Variants in PTPRD observed in about 807,000 individuals in gnomAD.
The protein encoded by PTPRD is receptor-type tyrosine-protein phosphatase delta.
PTPRD carries 34 observed loss-of-function variants against 214.5 expected under a neutral mutation model. That is an observed-to-expected ratio of 0.16 (90% CI 0.12 to 0.21). The LOEUF is 0.21. Ranked by LOEUF, PTPRD falls within the 10% of genes least tolerant of loss-of-function variation. The pLI, the probability that PTPRD is intolerant of heterozygous loss-of-function variation, is 1.00. For missense variants in PTPRD, 2,545 were observed against 2,398.7 expected (o/e 1.06, Z -1.27); for synonymous variants, 1,128 against 845.7 (o/e 1.33, Z -5.79).
chr9:10,457,302 C>T (rs1181392695), intron 2 of PTPRD, among the ~76,000 whole-genome samples: 1 of 151,832 alleles, frequency 6.6e-6, no homozygotes, highest in Non-Finnish European at 1.5e-5. Context: ...TTCCTTTTGC[C>T]TCTTTTCAGT....
At chr9:8,499,588 A>G in intron 25 of PTPRD, 59 bp downstream of exon 25, 1 of 1,528,776 alleles carries the variant, frequency 6.5e-7, no homozygotes, top group East Asian at 2.3e-5. Flanking sequence ...CAATTTCAGG[A>G]TATGAACTAA....
chr9:8,398,021 C>A (rs1392524), intron 36 of PTPRD, among the ~76,000 whole-genome samples: 13,094 of 152,094 alleles, frequency 0.086, 1,424 homozygotes, highest in East Asian at 0.49. Context: ...CCAGTGTTTT[C>A]TTTTGCATTA....
At chr9:10,246,451 C>T (rs568061833) in intron 3 of PTPRD, among the ~76,000 whole-genome samples, 2 of 152,264 alleles carry the variant, frequency 1.3e-5, no homozygotes, top group African/African-American at 4.8e-5. Flanking sequence ...ACCATGTTGG[C>T]CAGTCTGCTC....
chr9:8,755,277 C>T (rs1450651373), intron 11 of PTPRD, among the ~76,000 whole-genome samples: 2 of 150,630 alleles, frequency 1.3e-5, no homozygotes, highest in East Asian at 1.9e-4. Flanking sequence ...CGCCTGTAAT[C>T]CCAGCACTTT....
intron 14 of PTPRD, among the ~76,000 whole-genome samples, chr9:8,535,276 T>C (rs899288959): frequency 6.6e-6 from 1 of 151,876 alleles, no homozygotes; most frequent in Non-Finnish European, 1.5e-5. Context: ...AGTGCAGCAA[T>C]AAACTGCAAA....
chr9:10,345,564 C>T (rs1297776331), intron 2 of PTPRD, among the ~76,000 whole-genome samples: 1 of 152,124 alleles, frequency 6.6e-6, no homozygotes, highest in Non-Finnish European at 1.5e-5. Context: ...TGGTTTCTAG[C>T]TTCATCCATG....
chr9:10,587,978 A>G (rs1373002879), intron 2 of PTPRD, among the ~76,000 whole-genome samples: 1 of 152,104 alleles, frequency 6.6e-6, no homozygotes, highest in Non-Finnish European at 1.5e-5. Context: ...TACAGCTCAT[A>G]TATCAGGGTT....
chr9:10,308,854 G>A (rs559506048), intron 3 of PTPRD, among the ~76,000 whole-genome samples: 11 of 152,008 alleles, frequency 7.2e-5, no homozygotes, highest in South Asian at 2.1e-4. Context: ...TGTGTTAACC[G>A]GTTTTGTCTG....
intron 35 of PTPRD, among the ~76,000 whole-genome samples, chr9:8,432,345 C>T (rs1478596030): frequency 6.6e-6 from 1 of 152,214 alleles, no homozygotes; most frequent in Non-Finnish European, 1.5e-5. Context: ...ATTCTTCCAG[C>T]TTTCACTAAA....
chr9:9,390,685 T>G (rs368259857), intron 9 of PTPRD, among the ~76,000 whole-genome samples: 1 of 152,218 alleles, frequency 6.6e-6, no homozygotes, highest in Non-Finnish European at 1.5e-5. Context: ...ATGCTTTACA[T>G]GATCAACTGA....
intron 8 of PTPRD, among the ~76,000 whole-genome samples, chr9:9,422,979 T>C (rs965170026): frequency 2.0e-5 from 3 of 152,066 alleles, no homozygotes; most frequent in South Asian, 2.1e-4. Context: ...AGGCCCTTAG[T>C]TGGGTCCCTC....
At chr9:9,921,079 A>G (rs1042811295) in intron 5 of PTPRD, among the ~76,000 whole-genome samples, 4 of 151,928 alleles carry the variant, frequency 2.6e-5, no homozygotes, top group Non-Finnish European at 5.9e-5. Context: ...TCAATTTCTC[A>G]GTTTATTTTT....
At chr9:8,745,660 A>C (rs2092711808) in intron 11 of PTPRD, among the ~76,000 whole-genome samples, 1 of 152,240 alleles carries the variant, frequency 6.6e-6, no homozygotes, top group Non-Finnish European at 1.5e-5. Context: ...AAAAATGATT[A>C]ACCAGTAATA....
chr9:10,252,153 AAGAG>A (rs964827804), intron 3 of PTPRD, among the ~76,000 whole-genome samples: 5 of 149,876 alleles, frequency 3.3e-5, no homozygotes, highest in African/African-American at 5.0e-5. Flanking sequence ...TAAACTAAAA[AAGAG>A]AGAGAGAGAG....
intron 9 of PTPRD, among the ~76,000 whole-genome samples, chr9:9,276,579 C>A (rs995308945): frequency 6.6e-6 from 1 of 151,284 alleles, no homozygotes; most frequent in Non-Finnish European, 1.5e-5. Flanking sequence ...ATATTCTGCT[C>A]CTGTGACCTC....
chr9:10,355,441 A>G (rs1378555603), intron 2 of PTPRD, among the ~76,000 whole-genome samples: 1 of 151,772 alleles, frequency 6.6e-6, no homozygotes. Flanking sequence ...CTTCTGTTCT[A>G]TAGACGACAC....
rs141373880 is a variant in PTPRD at position 9,469,516 on chromosome 9, T to C, written c.-236-72034A>G. Among the ~76,000 whole-genome samples the C allele has an allele frequency of 6.8e-4, 104 of 152,268 alleles. 5 individuals are homozygous for C. In the East Asian group the frequency reaches 0.019, roughly 28 times the overall value. On this transcript the variant is annotated intron_variant, in intron 8 of 45. Coordinates refer to ENST00000381196, the MANE Select transcript of PTPRD (RefSeq NM_002839.4). Reference sequence around the variant, plus strand: ...AGGCTTTCTACTTAGAGTTGGTTTATAGTAACAATACTTCCTATTTCAAAT... The same window carrying C: ...AGGCTTTCTACTTAGAGTTGGTTTACAGTAACAATACTTCCTATTTCAAAT...
chr9:10,227,677 C>T (rs1050214026), intron 3 of PTPRD, among the ~76,000 whole-genome samples: 4 of 151,882 alleles, frequency 2.6e-5, no homozygotes, highest in African/African-American at 7.3e-5. Flanking sequence ...TGATTCTCAG[C>T]GACTTCAGGA....
chr9:9,022,362 T>A lies in PTPRD; in HGVS notation c.-142-3627A>T, dbSNP rs188454495. Among the ~76,000 whole-genome samples, 203 of 152,230 alleles carry A rather than the reference T, an allele frequency of 1.3e-3. 2 individuals are homozygous for A. The highest frequency in any genetic ancestry group is 4.6e-3 in the African/African-American group (191 of 41,546). On this transcript the variant is annotated intron_variant, in intron 10 of 45. Coordinates refer to ENST00000381196, the MANE Select transcript of PTPRD (RefSeq NM_002839.4). ...CAACTTCCAGTCCTGAAAGCTCCAT[T>A]CATTGTAAGTGTCCTATGCAGGTGT...
Sources: allele counts gnomAD v4.1 joint callset (sites outside exome capture counted in the v4.1 genomes callset), GRCh38; gene constraint gnomAD v4.1.1; transcripts MANE v1.5; gene names NCBI Gene and HGNC (gene_info 2026-07-23, HGNC 2026-07-21).